Variants in BET1 observed in about 807,000 individuals in gnomAD.
BET1 encodes the protein Bet1 golgi vesicular membrane trafficking protein.
BET1 carries 9 observed loss-of-function variants against 13.9 expected under a neutral mutation model. The ratio of observed to expected loss-of-function variants is 0.65; its 90% CI spans 0.39 to 1.13. The LOEUF is 1.13. BET1 is among the 50% of genes most tolerant of loss of function. The probability of loss-of-function intolerance (pLI) is 0.01; values close to 1 mark genes in which losing one functional copy is unlikely to be tolerated. For synonymous variants in BET1, 39 were observed against 47.3 expected (o/e 0.82, Z 0.72); for missense variants, 127 against 133.6 (o/e 0.95, Z 0.24).
At chr7:94,003,381 G>A (rs1387141791) in intron 1 of BET1, among the ~76,000 whole-genome samples, 2 of 150,818 alleles carry the variant, frequency 1.3e-5, no homozygotes, top group Non-Finnish European at 2.9e-5. Flanking sequence ...TATAATGACT[G>A]AGAAAGGTAA....
chr7:93,965,597 C>T (rs1795159889), exon 7 of BET1: 1 of 151,986 alleles, frequency 6.6e-6, no homozygotes, highest in South Asian at 2.1e-4. Flanking sequence ...ACTTCTGAAC[C>T]ATCACAAACA....
At chr7:93,962,783 T>C (rs759355276) in exon 7 of BET1, 1 of 151,612 alleles carries the variant, frequency 6.6e-6, no homozygotes, top group African/African-American at 2.4e-5. Context: ...AATGGTCAGA[T>C]AAACCTTTAT....
rs1265831876 is a variant in BET1 at position 93,988,242 on chromosome 7, C to T, written c.235+6110G>A. Among the ~76,000 whole-genome samples the T allele has an allele frequency of 3.3e-5, 5 of 152,016 alleles. No individual in the cohort carries two copies. In the East Asian group the frequency reaches 9.7e-4, roughly 29 times the overall value. ...TAAGGTCCTTTATGTTGATACACACCAAATATGTCTTTCCTAAATGAATTT... is the reference window on the plus strand; with the variant it reads ...TAAGGTCCTTTATGTTGATACACACTAAATATGTCTTTCCTAAATGAATTT... On this transcript the variant is annotated intron_variant and NMD_transcript_variant, in intron 4 of 6. Transcript: ENST00000357520.
At chr7:93,987,565 G>A (rs1178808338) in intron 4 of BET1, among the ~76,000 whole-genome samples, 1 of 151,806 alleles carries the variant, frequency 6.6e-6, no homozygotes, top group East Asian at 1.9e-4. Flanking sequence ...TCTACAACTG[G>A]GTTTCCGTAT....
intron 3 of BET1, among the ~76,000 whole-genome samples, chr7:93,995,038 G>A (rs921978697): frequency 1.3e-5 from 2 of 152,122 alleles, no homozygotes; most frequent in South Asian, 2.1e-4. Flanking sequence ...TAGAGATGGG[G>A]TTTCACCATG....
intron 6 of BET1, among the ~76,000 whole-genome samples, chr7:93,970,068 T>C (rs866573809): frequency 2.6e-5 from 4 of 151,860 alleles, no homozygotes; most frequent in Admixed American, 2.0e-4. Flanking sequence ...ATGAAATACC[T>C]AAATTCACAA....
intron 4 of BET1, among the ~76,000 whole-genome samples, chr7:93,986,801 T>C (rs1795535413): frequency 6.6e-6 from 1 of 152,202 alleles, no homozygotes; most frequent in Non-Finnish European, 1.5e-5. Context: ...TCCTATAATC[T>C]AGTGATGTAG....
intron 6 of BET1, among the ~76,000 whole-genome samples, chr7:93,970,918 G>A (rs905982872): frequency 6.6e-6 from 1 of 151,714 alleles, no homozygotes; most frequent in African/African-American, 2.4e-5. Flanking sequence ...AGAAATCTTG[G>A]AAAAGACAGA....
chr7:93,999,358 G>A (rs1795845129), intron 1 of BET1, 64 bp from the exon 2 acceptor site: 1 of 1,533,698 alleles, frequency 6.5e-7, no homozygotes. Flanking sequence ...TGTTAGTTAG[G>A]AAAGAACTGA....
At position 94,004,335 on chromosome 7, in the gene BET1, C is replaced by T; in HGVS notation, c.-119G>A. The T allele has an allele frequency of 7.2e-7, 1 of 1,394,084 alleles. No homozygotes were observed. The highest frequency in any genetic ancestry group is 1.0e-6 in the Non-Finnish European group (1 of 985,928). 86.4% of individuals were successfully genotyped at this position (1,394,084 alleles called of 1,614,324 possible). ...CCCAGCGAAACACCAACTTCTTCCCCTAAAGCGCCACGACATCAGTGGAGT... is the reference window on the plus strand; with the variant it reads ...CCCAGCGAAACACCAACTTCTTCCCTTAAAGCGCCACGACATCAGTGGAGT... On this transcript the variant is annotated 5_prime_UTR_variant, in exon 1 of 4. Coordinates refer to ENST00000222547, the MANE Select transcript of BET1 (RefSeq NM_005868.6).
At chr7:93,979,012 T>A (rs1271206869) in intron 4 of BET1, among the ~76,000 whole-genome samples, 2 of 152,176 alleles carry the variant, frequency 1.3e-5, no homozygotes, top group Non-Finnish European at 2.9e-5. Flanking sequence ...TGCCACTGGA[T>A]GCCACACCTA....
chr7:93,974,152 T>C lies in BET1; in HGVS notation c.*49-1489A>G, dbSNP rs1387677380. 2.0e-5 allele frequency among the ~76,000 whole-genome samples: 3 copies of C among 152,014 alleles called. No individual in the cohort carries two copies. The East Asian group carries it at 5.8e-4, about 29-fold the overall frequency. ...GAAAAGGGATAGCTAGAATAAACCC[T>C]GTAGTATTGGATTGGAATTGTAGAT... On this transcript the variant is annotated intron_variant and NMD_transcript_variant, in intron 5 of 6. Coordinates refer to the BET1 transcript ENST00000357520.
intron 3 of BET1, 34 bp downstream of exon 3, chr7:93,996,231 C>T (rs1795768131): frequency 1.4e-6 from 2 of 1,455,058 alleles, no homozygotes; most frequent in Non-Finnish European, 1.9e-6. Flanking sequence ...AATATTAGAT[C>T]AAATTTCTTA....
Position 93,982,599 on chromosome 7 carries a change from T to A in BET1, c.236-6499A>T, listed in dbSNP as rs563808670. Among the ~76,000 whole-genome samples the A allele has an allele frequency of 2.0e-5, 3 of 152,282 alleles. No individual in the cohort carries two copies. The East Asian group carries it at 5.8e-4, about 29-fold the overall frequency. On this transcript the variant is annotated intron_variant and NMD_transcript_variant, in intron 4 of 6. Coordinates refer to the BET1 transcript ENST00000357520. The stretch of plus-strand genomic sequence containing the variant: ...TTTATTCTCCACCTGGAATTCTCCG[T>A]GTCTTTGTGCCCATCAAATGTCCTT...
intron 1 of BET1, among the ~76,000 whole-genome samples, chr7:94,001,304 A>T (rs1414607740): frequency 6.6e-6 from 1 of 152,206 alleles, no homozygotes; most frequent in South Asian, 2.1e-4. Context: ...TGAACTAATT[A>T]ATGAAAAGAA....
At chr7:93,994,587 A>G (rs1795720419) in intron 3 of BET1, among the ~76,000 whole-genome samples, 1 of 152,226 alleles carries the variant, frequency 6.6e-6, no homozygotes, top group Non-Finnish European at 1.5e-5. Flanking sequence ...AGCGAATAAA[A>G]AGCTCTTTCA....
downstream of BET1, chr7:93,993,030 G>T (rs997355773): frequency 5.1e-6 from 5 of 983,464 alleles, no homozygotes; most frequent in African/African-American, 1.7e-5. Flanking sequence ...TGAACAAAAA[G>T]AATTGAAAAC....
chr7:93,979,110 A>G (rs531185703), intron 4 of BET1, among the ~76,000 whole-genome samples: 224 of 152,276 alleles, frequency 1.5e-3, no homozygotes, highest in Middle Eastern at 3.4e-3. Flanking sequence ...GTGGTATCCA[A>G]TTGGTCAAGT....
chr7:93,967,833 A>C (rs1445144242), intron 6 of BET1, among the ~76,000 whole-genome samples: 1 of 151,796 alleles, frequency 6.6e-6, no homozygotes, highest in African/African-American at 2.4e-5. Flanking sequence ...CAGTTATCAC[A>C]ATGTATTTTG....
Sources: gnomAD v4.1 joint callset for allele counts (sites outside exome capture counted in the v4.1 genomes callset) on GRCh38, gnomAD v4.1.1 for gene constraint, MANE v1.5 for transcripts, NCBI Gene and HGNC (gene_info 2026-07-23, HGNC 2026-07-21) for gene names.